MACF1: variants seen among roughly 807,000 people sequenced by gnomAD.
MACF1 encodes the protein microtubule actin crosslinking factor 1.
Under a neutral mutation model 854.8 loss-of-function variants are expected in MACF1, and 193 were observed. The observed-to-expected ratio is 0.23, with a 90% CI of 0.20 to 0.25. MACF1 has a LOEUF of 0.25. Ranked by LOEUF, MACF1 falls within the 10% of genes least tolerant of loss-of-function variation. MACF1 has a pLI of 1.00. For missense variants in MACF1, 7,722 were observed against 8,929.1 expected (o/e 0.86, Z 5.45); for synonymous variants, 3,185 against 3,226.7 (o/e 0.99, Z 0.44).
intron 52 of MACF1, among the ~76,000 whole-genome samples, chr1:39,375,886 T>C (rs1434126124): frequency 2.6e-5 from 4 of 152,250 alleles, no homozygotes; most frequent in Admixed American, 6.5e-5. Flanking sequence ...GTGTTAAGAA[T>C]TCTATTATTA....
chr1:39,421,494 G>A (rs1050051762), intron 58 of MACF1, among the ~76,000 whole-genome samples: 29 of 152,270 alleles, frequency 1.9e-4, no homozygotes, highest in African/African-American at 7.0e-4. Context: ...GTGATCTGTG[G>A]CTCTTGATCA....
chr1:39,475,535 T>C (rs950346109), intron 97 of MACF1, among the ~76,000 whole-genome samples: 17 of 150,184 alleles, frequency 1.1e-4, no homozygotes, highest in African/African-American at 4.2e-4. Flanking sequence ...GGTGGTGAGA[T>C]GAGAAACAAG....
chr1:39,246,502 G>A (rs530161998), intron 2 of MACF1, among the ~76,000 whole-genome samples: 10 of 152,218 alleles, frequency 6.6e-5, no homozygotes, highest in African/African-American at 2.2e-4. Flanking sequence ...TCTATTTGAG[G>A]GAGGGGTTTT....
chr1:39,343,538 A>G (rs1463975661), intron 40 of MACF1, among the ~76,000 whole-genome samples: 1 of 152,250 alleles, frequency 6.6e-6, no homozygotes, highest in South Asian at 2.1e-4. Context: ...ATATAAAAAC[A>G]TAGAGACATA....
intron 35 of MACF1, 30 bp from the exon 36 acceptor site, chr1:39,327,188 C>A: frequency 6.6e-7 from 1 of 1,512,786 alleles, no homozygotes. Context: ...TTTTTTTCTC[C>A]TAAAAAAGCT....
chr1:39,268,351 C>CT (rs1233740889), intron 6 of MACF1: 1 of 667,270 alleles, frequency 1.5e-6, no homozygotes, highest in East Asian at 1.3e-4. Flanking sequence ...TTTTTGCTTT[C>CT]TGTTTGTGTT....
rs1644139373 is a variant in MACF1, at chr1:39,442,470, T to G, written c.19007T>G (p.Leu6336Arg). The G allele has an allele frequency of 6.2e-7, 1 of 1,614,202 alleles. No individual in the cohort carries two copies. The highest frequency in any genetic ancestry group is 8.5e-7 in the Non-Finnish European group (1 of 1,180,020). The change falls in exon 77 of 101, where the codon CTA (leucine) becomes CGA (arginine). Residue 6336 changes from leucine (L) to arginine (R), a missense_variant. Leu to Arg is a moderately radical substitution (Grantham distance 102, BLOSUM62 -2). Transcript: ENST00000564288. ...LGQFQHALEE[L>R]MSWLTHTEEL... ...CAGTTCCAGCATGCCTTAGAGGAACTAATGAGTTGGCTGACTCATACCGAA... is the reference window on the plus strand; with the variant it reads ...CAGTTCCAGCATGCCTTAGAGGAACGAATGAGTTGGCTGACTCATACCGAA...
chr1:39,444,888 A>G, intron 80 of MACF1, 53 bp downstream of exon 80: 2 of 1,449,842 alleles, frequency 1.4e-6, no homozygotes, highest in Middle Eastern at 3.7e-4. Context: ...TTGCATGTAT[A>G]ATAATTGCCA....
At chr1:39,415,805 G>A (rs1252422510) in intron 58 of MACF1, among the ~76,000 whole-genome samples, 2 of 152,144 alleles carry the variant, frequency 1.3e-5, no homozygotes, top group African/African-American at 4.8e-5. Flanking sequence ...TTTGGTCAGT[G>A]GTAAAGAGTG....
chr1:39,486,070 TAA>T lies in MACF1; in HGVS notation c.*287_*288del, dbSNP rs3839022. On this transcript the variant is annotated 3_prime_UTR_variant, in exon 101 of 101. Coordinates refer to ENST00000564288, the MANE Select transcript of MACF1 (RefSeq NM_001394062.1). ...AAAAGGTCAAGATACAAATGTGTAT[TAA>T]AAAAAAAAAAGCCTATTAATAGGGT... is the stretch of plus-strand genomic sequence containing the variant. The T allele has an allele frequency of 1.2e-3, 287 of 231,250 alleles. No individual in the cohort carries two copies. The highest frequency in any genetic ancestry group is 5.7e-3 in the East Asian group (66 of 11,510). 14.3% of individuals were successfully genotyped at this position (231,250 alleles called of 1,614,324 possible). A position where few individuals can be genotyped will look rare whatever the true frequency, so the allele number is the denominator to read the frequency against.
At chr1:39,318,763 C>A in intron 30 of MACF1, 148 bp downstream of exon 30, 1 of 858,850 alleles carries the variant, frequency 1.2e-6, no homozygotes, top group Non-Finnish European at 1.7e-6. Context: ...CAGGATCGTC[C>A]CAAGATACTG....
At chr1:39,228,433 C>G (rs779010365) in intron 1 of MACF1, among the ~76,000 whole-genome samples, 17 of 152,138 alleles carry the variant, frequency 1.1e-4, no homozygotes, top group Non-Finnish European at 2.2e-4. Flanking sequence ...AGCAAAGAGT[C>G]AGTGATTTCG....
chr1:39,442,791 C>T lies in MACF1; in HGVS notation c.19182C>T (p.Ser6394=). Residue 6394 remains serine (S), a synonymous_variant, in exon 78 of 101, where the codon TCC becomes TCT. Coordinates refer to ENST00000564288, the MANE Select transcript of MACF1 (RefSeq NM_001394062.1). The part of the protein sequence containing the change: ...VNKAGNELLE[S]SAGDDASSLR... ...AAGCTGGCAATGAGCTTCTTGAATC[C>T]AGTGCTGGAGATGATGCCAGCAGCT... 6.2e-7 allele frequency: 1 copy of T among 1,614,104 alleles called. No homozygotes were observed. Among genetic ancestry groups the T allele is most frequent in the East Asian group, 2.2e-5 (1 of 44,882 alleles).
chr1:39,178,470 A>G (rs187417638), intron 2 of MACF1, among the ~76,000 whole-genome samples: 3 of 152,296 alleles, frequency 2.0e-5, no homozygotes, highest in East Asian at 3.9e-4. Context: ...AAGGGGTAGT[A>G]AAAGCATTTT....
intron 2 of MACF1, among the ~76,000 whole-genome samples, chr1:39,247,731 A>T (rs1312788890): frequency 6.6e-6 from 1 of 152,240 alleles, no homozygotes; most frequent in East Asian, 1.9e-4. Context: ...TTAATATTGC[A>T]GATTAAATTT....
At chr1:39,171,455 C>T (rs916546241) in intron 2 of MACF1, among the ~76,000 whole-genome samples, 3 of 152,124 alleles carry the variant, frequency 2.0e-5, no homozygotes, top group Non-Finnish European at 4.4e-5. Context: ...CCCCTGGCAA[C>T]CACTAATCAG....
intron 40 of MACF1, among the ~76,000 whole-genome samples, chr1:39,341,929 A>G (rs1024454161): frequency 4.6e-5 from 7 of 151,832 alleles, no homozygotes; most frequent in African/African-American, 1.7e-4. Context: ...TCAGGGGTAC[A>G]TGTGCAGGTT....
chr1:39,171,922 G>A (rs1643955318), intron 2 of MACF1, among the ~76,000 whole-genome samples: 1 of 152,208 alleles, frequency 6.6e-6, no homozygotes, highest in Non-Finnish European at 1.5e-5. Flanking sequence ...CACCACGCCC[G>A]GCCCAGACAT....
chr1:39,193,654 C>G (rs1286750388), intron 2 of MACF1, among the ~76,000 whole-genome samples: 1 of 151,982 alleles, frequency 6.6e-6, no homozygotes, highest in Non-Finnish European at 1.5e-5. Context: ...TTTATTATCC[C>G]TTTTTGACAT....
Sources: allele counts gnomAD v4.1 joint callset (sites outside exome capture counted in the v4.1 genomes callset), GRCh38; gene constraint gnomAD v4.1.1; transcripts MANE v1.5; gene names NCBI Gene and HGNC (gene_info 2026-07-23, HGNC 2026-07-21).